The following COL19A1 variants were observed in gnomAD, a reference collection of about 807,000 sequenced individuals.
The protein encoded by COL19A1 is collagen type XIX alpha 1 chain.
A neutral mutation model predicts 190.2 loss-of-function variants in COL19A1; 159 were observed. The ratio of observed to expected loss-of-function variants is 0.84; its 90% CI spans 0.73 to 0.95. COL19A1 has a LOEUF of 0.95. Ranked by LOEUF, COL19A1 falls within the 40% of genes least tolerant of loss-of-function variation. The pLI is 0.00. For synonymous variants in COL19A1, 509 were observed against 458.9 expected (o/e 1.11, Z -1.39); for missense variants, 1,418 against 1,431.9 (o/e 0.99, Z 0.16).
chr6:70,126,580 ATAAC>A (rs1391615891), intron 17 of COL19A1, among the ~76,000 whole-genome samples: 1 of 152,170 alleles, frequency 6.6e-6, no homozygotes, highest in Non-Finnish European at 1.5e-5. Flanking sequence ...TTTTTTGCAG[ATAAC>A]TAAGAGGTTC....
In COL19A1 at chr6:70,142,753, A is replaced by G. The variant is rs1244836015; in HGVS notation, c.1573-14A>G. Reference sequence around the variant, plus strand: ...TTTTAGCAAAGCTAAAGTATATACCACCTTTTATTTTAGGGTCAGCAAGGA... The same window carrying G: ...TTTTAGCAAAGCTAAAGTATATACCGCCTTTTATTTTAGGGTCAGCAAGGA... On this transcript the variant is annotated splice_polypyrimidine_tract_variant and intron_variant, in intron 22 of 50. Coordinates refer to ENST00000620364, the MANE Select transcript of COL19A1 (RefSeq NM_001858.6). 5 of 1,607,780 alleles carry G rather than the reference A, an allele frequency of 3.1e-6. No individual in the cohort carries two copies. Among genetic ancestry groups the G allele is most frequent in the Non-Finnish European group, 3.4e-6 (4 of 1,177,466 alleles).
chr6:69,930,515 C>T (rs1285096753), intron 6 of COL19A1, among the ~76,000 whole-genome samples: 3 of 152,058 alleles, frequency 2.0e-5, no homozygotes, highest in African/African-American at 7.2e-5. Flanking sequence ...TAACTTCTCA[C>T]CCAAGGATAG....
At chr6:70,195,150 T>TATA (rs1767119862) in intron 48 of COL19A1, among the ~76,000 whole-genome samples, 1 of 147,574 alleles carries the variant, frequency 6.8e-6, no homozygotes, top group African/African-American at 2.5e-5. Flanking sequence ...TATATATATA[T>TATA]ATATATATAT....
At chr6:70,108,193 C>CTCA (rs1430115530) in intron 16 of COL19A1, among the ~76,000 whole-genome samples, 2 of 152,120 alleles carry the variant, frequency 1.3e-5, no homozygotes, top group East Asian at 3.8e-4. Context: ...AACTTTACTT[C>CTCA]TCATTCATCA....
intron 9 of COL19A1, among the ~76,000 whole-genome samples, chr6:69,948,861 T>C (rs1773969462): frequency 6.6e-6 from 1 of 151,812 alleles, no homozygotes; most frequent in Non-Finnish European, 1.5e-5. Flanking sequence ...TCTAGTTAGA[T>C]GAAGTCATTC....
At chr6:70,083,679 A>G (rs768608815) in intron 15 of COL19A1, among the ~76,000 whole-genome samples, 13 of 152,256 alleles carry the variant, frequency 8.5e-5, no homozygotes, top group Non-Finnish European at 1.3e-4. Flanking sequence ...TGTAATAATT[A>G]AGAGAAATGT....
intron 23 of COL19A1, among the ~76,000 whole-genome samples, chr6:70,143,537 T>A (rs771143838): frequency 2.0e-5 from 3 of 152,010 alleles, no homozygotes; most frequent in Admixed American, 6.6e-5. Context: ...ACTCTTAGGA[T>A]CTCTCCTTTT....
chr6:70,026,946 TA>T (rs1778760394), intron 12 of COL19A1, among the ~76,000 whole-genome samples: 1 of 152,180 alleles, frequency 6.6e-6, no homozygotes, highest in Admixed American at 6.5e-5. Context: ...TTTTCAGTGC[TA>T]AAAAAACTGA....
intron 11 of COL19A1, among the ~76,000 whole-genome samples, chr6:69,980,211 G>T (rs1461022101): frequency 6.6e-6 from 1 of 151,992 alleles, no homozygotes; most frequent in Non-Finnish European, 1.5e-5. Flanking sequence ...AATAAATATT[G>T]CATCATGTAG....
chr6:70,184,874 A>G lies in COL19A1; in HGVS notation c.2815A>G (p.Ile939Val). The G allele has an allele frequency of 6.2e-7, 1 of 1,613,416 alleles. No homozygotes were observed. The highest frequency in any genetic ancestry group is 1.3e-5 in the African/African-American group (1 of 74,992). Residue 939 changes from isoleucine (I) to valine (V), a missense_variant, in exon 46 of 51, where the codon ATC becomes GTC. Transcript: ENST00000620364. ...GKDGIPGAQGIMGKPGDRGPK... is the reference protein window; with the variant it reads ...GKDGIPGAQGVMGKPGDRGPK... ...CATGTTGACATCTGTTTTTCAGGGC[A>G]TCATGGGTAAGCCTGGAGACAGAGG...
At chr6:70,204,810 C>CT (rs1361715747) in intron 49 of COL19A1, among the ~76,000 whole-genome samples, 2 of 152,128 alleles carry the variant, frequency 1.3e-5, no homozygotes, top group Non-Finnish European at 2.9e-5. Context: ...TGAGGATCAA[C>CT]TTTATAACTT....
In COL19A1 at chr6:69,900,272, G is replaced by T. The variant is rs773102306; in HGVS notation, c.200G>T (p.Arg67Leu). Reference sequence around the variant, plus strand: ...CTAGGAGACAGCTTTTCTCTAAGACGTGCATTTTGTGAAAGTGATAAAACC... The same window carrying T: ...CTAGGAGACAGCTTTTCTCTAAGACTTGCATTTTGTGAAAGTGATAAAACC... ...FDLGDSFSLR[R>L]AFCESDKTCF... Residue 67 changes from arginine (R) to leucine (L), a missense_variant, in exon 4 of 51, where the codon CGT becomes CTT. Physicochemically the swap from Arg to Leu is moderately radical, Grantham distance 102. Transcript: ENST00000620364. 4 of 1,595,618 alleles carry T rather than the reference G, an allele frequency of 2.5e-6. No homozygotes were observed. The African/African-American group carries it at 4.0e-5, about 16-fold the overall frequency.
intron 9 of COL19A1, among the ~76,000 whole-genome samples, chr6:69,958,402 A>G (rs527987907): frequency 2.6e-5 from 4 of 152,198 alleles, no homozygotes; most frequent in Non-Finnish European, 5.9e-5. Context: ...TACTTCTGTG[A>G]TGAGTAACAG....
intron 27 of COL19A1, 134 bp downstream of exon 27, chr6:70,147,023 A>G (rs1223112813): frequency 2.8e-6 from 2 of 715,166 alleles, no homozygotes; most frequent in Non-Finnish European, 4.4e-6. Flanking sequence ...GAGATGACTG[A>G]TCAGCATTGA....
At chr6:69,868,329 T>G (rs747935557) in intron 1 of COL19A1, among the ~76,000 whole-genome samples, 6 of 152,110 alleles carry the variant, frequency 3.9e-5, no homozygotes, top group Non-Finnish European at 8.8e-5. Context: ...CCTGCAAAGC[T>G]GAGATATTTA....
chr6:70,036,560 T>C (rs1779361794), intron 14 of COL19A1, among the ~76,000 whole-genome samples: 1 of 152,210 alleles, frequency 6.6e-6, no homozygotes, highest in Admixed American at 6.5e-5. Flanking sequence ...GATTCTCTTA[T>C]ATTCAGATAC....
intron 14 of COL19A1, among the ~76,000 whole-genome samples, chr6:70,041,331 A>G (rs1288105812): frequency 6.6e-6 from 1 of 152,230 alleles, no homozygotes; most frequent in Non-Finnish European, 1.5e-5. Flanking sequence ...AAAGTTCTAA[A>G]GAAATAAATA....
At chr6:70,058,829 T>TA (rs1019671066) in intron 14 of COL19A1, among the ~76,000 whole-genome samples, 3 of 151,722 alleles carry the variant, frequency 2.0e-5, no homozygotes, top group Admixed American at 6.6e-5. Context: ...AAGTTAAAAT[T>TA]AAAAAAAAGA....
chr6:70,079,576 A>G lies in COL19A1; in HGVS notation c.1224+11100A>G, dbSNP rs148556565. 2.6e-3 allele frequency among the ~76,000 whole-genome samples: 403 copies of G among 152,294 alleles called. 2 individuals are homozygous for G. Among genetic ancestry groups the G allele is most frequent in the African/African-American group, 7.5e-3 (313 of 41,552 alleles). ...AGTATAGAAAAGTGGGAGAATAAGA[A>G]GAAAGTTTTGAAAGGGAGGAGACTG... is the stretch of plus-strand genomic sequence containing the variant. On this transcript the variant is annotated intron_variant, in intron 15 of 50. Coordinates refer to ENST00000620364, the MANE Select transcript of COL19A1 (RefSeq NM_001858.6).
Sources: allele counts gnomAD v4.1 joint callset (sites outside exome capture counted in the v4.1 genomes callset), GRCh38; gene constraint gnomAD v4.1.1; transcripts MANE v1.5; gene names NCBI Gene and HGNC (gene_info 2026-07-23, HGNC 2026-07-21).